The following LPCAT1 variants were observed in gnomAD, a reference collection of about 807,000 sequenced individuals.
The protein encoded by LPCAT1 is 1-acylglycerol-3-phosphate O-acyltransferase.
In LPCAT1, 23 loss-of-function variants were observed where a neutral mutation model predicts 60.9. The observed-to-expected ratio is 0.38, with a 90% CI of 0.27 to 0.53. LPCAT1 has a LOEUF of 0.53. Among genes scored for constraint, LPCAT1 ranks in the 20% least tolerant of loss-of-function variants. The pLI is 0.82. For missense variants in LPCAT1, 622 were observed against 723.6 expected, an observed-to-expected ratio of 0.86 and a Z score of 1.61; for synonymous variants, 340 against 301.1, an observed-to-expected ratio of 1.13 and a Z score of -1.34.
chr5:1,514,427 G>C (rs1736444062), intron 1 of LPCAT1, among the ~76,000 whole-genome samples: 1 of 152,212 alleles, frequency 6.6e-6, no homozygotes, highest in South Asian at 2.1e-4. Flanking sequence ...TGTTTCTTCA[G>C]TACTGTTCCT....
chr5:1,465,421 GCACA>G (rs66975451), intron 13 of LPCAT1, among the ~76,000 whole-genome samples: 8,436 of 143,266 alleles, frequency 0.059, 308 homozygotes, highest in Middle Eastern at 0.12. Flanking sequence ...CTACACACAT[GCACA>G]CACACACAAA....
chr5:1,473,502 C>T (rs2126499272), intron 11 of LPCAT1, among the ~76,000 whole-genome samples: 1 of 152,374 alleles, frequency 6.6e-6, no homozygotes, highest in East Asian at 1.9e-4. Flanking sequence ...GTGCGGAGGG[C>T]AGAGGGGAGT....
chr5:1,477,594 C>T lies in LPCAT1; in HGVS notation c.817-108G>A. 1.3e-6 allele frequency: 1 copy of T among 767,448 alleles called. No homozygotes were observed. The highest frequency in any genetic ancestry group is 2.2e-6 in the Non-Finnish European group (1 of 462,276). The allele number at this position is 767,448 out of a possible 1,614,324, so 47.5% of individuals were successfully genotyped here. ...AAATTAAGATCTGTCAAAGTAACGCCCATTAGAACCGTCTTCAAAGTTGTC... is the reference window on the plus strand; with the variant it reads ...AAATTAAGATCTGTCAAAGTAACGCTCATTAGAACCGTCTTCAAAGTTGTC... On this transcript the variant is annotated intron_variant, in intron 8 of 13. Coordinates refer to ENST00000283415, the MANE Select transcript of LPCAT1 (RefSeq NM_024830.5). This position sits in a 1 kb window ranked among gnomAD's most constrained non-coding sequence, Gnocchi z 6.0.
At position 1,463,681 on chromosome 5, in the gene LPCAT1, C is replaced by T. The variant is rs145751040; in HGVS notation, c.1575G>A (p.Gly525=). 499 of 1,614,134 alleles carry T rather than the reference C, an allele frequency of 3.1e-4. No individual in the cohort carries two copies. Among genetic ancestry groups the T allele is most frequent in the Non-Finnish European group, 4.0e-4 (475 of 1,180,054 alleles). Residue 525 remains glycine (G), a synonymous_variant, in exon 14 of 14, where the codon GGG becomes GGA. Transcript: ENST00000283415. ...CCAGCTTCTTGCGAACAGGCTTCCG[C>T]CCAGCGTCTGAGTTTTCCGGGCTGA... The part of the protein sequence containing the change: ...ADFSPENSDA[G]RKPVRKKLD
Position 1,461,565 on chromosome 5 carries a change from C to G in LPCAT1, c.*2086G>C, listed in dbSNP as rs1734092653. On this transcript the variant is annotated 3_prime_UTR_variant, in exon 14 of 14. Transcript: ENST00000283415. The stretch of plus-strand genomic sequence containing the variant: ...GCCCCACCTGCCCACGGGTCTGGCC[C>G]CCAGGCCACCAGGGGCCCGCTGCGT... 6.5e-6 allele frequency: 1 copy of G among 152,704 alleles called. No homozygotes were observed. The highest frequency in any genetic ancestry group is 2.1e-4 in the South Asian group (1 of 4,836). 9.5% of individuals were successfully genotyped at this position (152,704 alleles called of 1,614,324 possible). A position where few individuals can be genotyped will look rare whatever the true frequency, so the allele number is the denominator to read the frequency against.
chr5:1,501,926 AACACTGACCG>A (rs1419771356), intron 1 of LPCAT1, among the ~76,000 whole-genome samples: 42 of 151,492 alleles, frequency 2.8e-4, no homozygotes, highest in African/African-American at 6.1e-4. Flanking sequence ...AAGGCTGACC[AACACTGACCG>A]ACACTGACCA....
Position 1,495,210 on chromosome 5 carries a change from A to C in LPCAT1, c.279-296T>G, listed in dbSNP as rs1008938097. Among the ~76,000 whole-genome samples the C allele has an allele frequency of 6.6e-6, 1 of 152,238 alleles. No individual in the cohort carries two copies. The highest frequency in any genetic ancestry group is 1.5e-5 in the Non-Finnish European group (1 of 68,044). ...AAGACAACATGAGACTCCGGAACAC[A>C]GACAGCACAAGTCCCAGGCCAGAAG... is the stretch of plus-strand genomic sequence containing the variant. On this transcript the variant is annotated intron_variant, in intron 2 of 13. Coordinates refer to ENST00000283415, the MANE Select transcript of LPCAT1 (RefSeq NM_024830.5). This position sits in a 1 kb window ranked among gnomAD's most constrained non-coding sequence, Gnocchi z 4.7.
In LPCAT1 at chr5:1,463,368, G is replaced by A. The variant is rs1053260290; in HGVS notation, c.*283C>T. 6 of 416,062 alleles carry A rather than the reference G, an allele frequency of 1.4e-5. No individual in the cohort carries two copies. The highest frequency in any genetic ancestry group is 1.3e-4 in the South Asian group (3 of 23,330). The allele number at this position is 416,062 out of a possible 1,614,324, so 25.8% of individuals were successfully genotyped here. On this transcript the variant is annotated 3_prime_UTR_variant, in exon 14 of 14. Transcript: ENST00000283415. ...AGGGCCCCGTGGGAGAACACGGGGC[G>A]GCACCGGTGCCCCCCGCCCGGCAGG...
At chr5:1,492,477 G>A (rs2126559777) in intron 3 of LPCAT1, among the ~76,000 whole-genome samples, 1 of 152,350 alleles carries the variant, frequency 6.6e-6, no homozygotes, top group Admixed American at 6.5e-5. Flanking sequence ...GCCCTTTCAG[G>A]CCAGGACAGC....
At chr5:1,509,609 G>A (rs554132113) in intron 1 of LPCAT1, among the ~76,000 whole-genome samples, 7 of 152,270 alleles carry the variant, frequency 4.6e-5, no homozygotes, top group Admixed American at 1.3e-4. Flanking sequence ...ACCCACTCCC[G>A]TCCAGCACCC....
chr5:1,493,774 C>A (rs1335131417), intron 3 of LPCAT1, among the ~76,000 whole-genome samples: 1 of 152,242 alleles, frequency 6.6e-6, no homozygotes, highest in Admixed American at 6.5e-5. Context: ...CCATGGGATG[C>A]GGCCCCCAAA....
Position 1,479,611 on chromosome 5 carries a change from C to G in LPCAT1, c.816+10G>C. 6.3e-7 allele frequency: 1 copy of G among 1,595,630 alleles called. No homozygotes were observed. The highest frequency in any genetic ancestry group is 8.6e-7 in the Non-Finnish European group (1 of 1,163,164). ...TGAAGAGCGCTGTGTAACTCTGTAT[C>G]CATACGAACCTCGATTTCCACTTGG... On this transcript the variant is annotated intron_variant, in intron 8 of 13. Coordinates refer to ENST00000283415, the MANE Select transcript of LPCAT1 (RefSeq NM_024830.5).
At chr5:1,475,984 T>C (rs1734898970) in intron 9 of LPCAT1, among the ~76,000 whole-genome samples, 1 of 152,160 alleles carries the variant, frequency 6.6e-6, no homozygotes, top group African/African-American at 2.4e-5. Flanking sequence ...ACGGCCCTGA[T>C]GTGATGAAAC....
chr5:1,472,843 C>T (rs1202298552), intron 11 of LPCAT1, among the ~76,000 whole-genome samples: 3 of 152,080 alleles, frequency 2.0e-5, no homozygotes, highest in African/African-American at 7.2e-5. Flanking sequence ...GACACTGTTT[C>T]CAGCTGCCCT....
At chr5:1,507,211 C>T (rs1035423679) in intron 1 of LPCAT1, among the ~76,000 whole-genome samples, 7 of 152,164 alleles carry the variant, frequency 4.6e-5, no homozygotes, top group Non-Finnish European at 7.4e-5. Flanking sequence ...CGCCTGCAGA[C>T]GCTGAGACCT....
intron 11 of LPCAT1, among the ~76,000 whole-genome samples, chr5:1,472,708 G>A (rs544525872): frequency 2.6e-5 from 4 of 151,742 alleles, no homozygotes; most frequent in African/African-American, 7.3e-5. Context: ...GAGTGCAAAC[G>A]CAGCTGCAGA....
intron 3 of LPCAT1, among the ~76,000 whole-genome samples, chr5:1,494,155 C>T (rs796968345): frequency 5.3e-5 from 8 of 152,246 alleles, no homozygotes; most frequent in African/African-American, 1.4e-4. Flanking sequence ...CCCTGGTTCA[C>T]GGCACAGCCG....
intron 1 of LPCAT1, among the ~76,000 whole-genome samples, chr5:1,518,342 T>G (rs1016810799): frequency 4.6e-5 from 7 of 152,194 alleles, no homozygotes. Flanking sequence ...AACTTTTTCT[T>G]TATCTTTTTC....
chr5:1,523,788 G>T lies in LPCAT1; in HGVS notation c.57C>A (p.Ser19Arg). 8.9e-7 allele frequency: 1 copy of T among 1,127,848 alleles called. No homozygotes were observed. Among genetic ancestry groups the T allele is most frequent in the Non-Finnish European group, 1.1e-6 (1 of 921,596 alleles). 69.9% of individuals were successfully genotyped at this position (1,127,848 alleles called of 1,614,324 possible). ...RAAPASSAGA[S>R]DARLLAPPGR... is the part of the protein sequence containing the mutation. ...CCGGGGGCGCCAGCAGCCGAGCGTC[G>T]CTGGCCCCTGCGCTGGAGGCAGGGG... is the stretch of plus-strand genomic sequence containing the variant. Residue 19 changes from serine to arginine, a missense_variant, in exon 1 of 14, where the codon AGC (serine) becomes AGA (arginine). By Grantham distance (110) the Ser-to-Arg change is moderately radical. Coordinates refer to ENST00000283415, the MANE Select transcript of LPCAT1 (RefSeq NM_024830.5). The surrounding 1 kb of genome is among the most constrained non-coding windows in gnomAD (Gnocchi z 7.1).
Sources: allele counts gnomAD v4.1 joint callset (sites outside exome capture counted in the v4.1 genomes callset), GRCh38; gene constraint gnomAD v4.1.1; non-coding constraint Gnocchi (gnomAD v3.1); transcripts MANE v1.5; gene names NCBI Gene and HGNC (gene_info 2026-07-23, HGNC 2026-07-21).